Variants in SERPINI1 observed in about 807,000 individuals in gnomAD.
The protein encoded by SERPINI1 is serpin family I member 1.
Under a neutral mutation model 41.1 loss-of-function variants are expected in SERPINI1, and 19 were observed. The observed-to-expected ratio is 0.46, with a 90% CI of 0.32 to 0.68. The LOEUF (loss-of-function observed/expected upper bound fraction) is 0.68, where lower values mean the gene tolerates loss of function less well. Among genes scored for constraint, SERPINI1 ranks in the 30% least tolerant of loss-of-function variants. The pLI is 0.03. For synonymous variants in SERPINI1, 138 were observed against 156.6 expected, an observed-to-expected ratio of 0.88 and a Z score of 0.89; for missense variants, 460 against 479.2, an observed-to-expected ratio of 0.96 and a Z score of 0.37.
intron 6 of SERPINI1, among the ~76,000 whole-genome samples, chr3:167,814,223 T>C (rs935392577): frequency 3.9e-5 from 6 of 152,218 alleles, no homozygotes; most frequent in African/African-American, 1.4e-4. Context: ...TTTCCTCTCA[T>C]TAGGAAGGAA....
chr3:167,770,155 A>T (rs569443424), intron 1 of SERPINI1, among the ~76,000 whole-genome samples: 2 of 151,834 alleles, frequency 1.3e-5, no homozygotes, highest in Non-Finnish European at 2.9e-5. Flanking sequence ...TATGGAAAAG[A>T]TATGTACAAA....
chr3:167,791,019 C>G (rs1727488761), intron 3 of SERPINI1, among the ~76,000 whole-genome samples: 1 of 151,884 alleles, frequency 6.6e-6, no homozygotes, highest in Admixed American at 6.6e-5. Flanking sequence ...GGCTTTTGAA[C>G]CAAAGAACTT....
At chr3:167,814,006 G>T in intron 6 of SERPINI1, among the ~76,000 whole-genome samples, 1 of 152,024 alleles carries the variant, frequency 6.6e-6, no homozygotes, top group Admixed American at 6.5e-5. Flanking sequence ...CCAGTGGCTG[G>T]CTCCTTTGTA....
intron 1 of SERPINI1, among the ~76,000 whole-genome samples, chr3:167,759,993 C>T (rs907308036): frequency 6.6e-6 from 1 of 152,126 alleles, no homozygotes; most frequent in African/African-American, 2.4e-5. Context: ...ATATATGCCA[C>T]GTGTCCTTAG....
At chr3:167,819,680 A>T (rs764121373) in intron 6 of SERPINI1, among the ~76,000 whole-genome samples, 1 of 152,232 alleles carries the variant, frequency 6.6e-6, no homozygotes, top group Non-Finnish European at 1.5e-5. Context: ...AAATGTTGAA[A>T]ATCCTTCCTT....
chr3:167,751,376 A>G (rs535797626), intron 1 of SERPINI1, among the ~76,000 whole-genome samples: 24 of 152,324 alleles, frequency 1.6e-4, no homozygotes, highest in African/African-American at 5.5e-4. Context: ...GAATATGTCT[A>G]CTTGATAAAA....
At chr3:167,754,153 C>G (rs1726127586) in intron 1 of SERPINI1, among the ~76,000 whole-genome samples, 1 of 152,134 alleles carries the variant, frequency 6.6e-6, no homozygotes. Flanking sequence ...GCTCTGTATT[C>G]ATTTTTATAC....
At chr3:167,783,412 G>A (rs1727206449) in intron 1 of SERPINI1, among the ~76,000 whole-genome samples, 3 of 152,144 alleles carry the variant, frequency 2.0e-5, no homozygotes, top group African/African-American at 7.2e-5. Flanking sequence ...CTGCTGGCAG[G>A]CATCAACGAA....
chr3:167,772,948 A>G (rs921589187), intron 1 of SERPINI1, among the ~76,000 whole-genome samples: 1 of 123,570 alleles, frequency 8.1e-6, no homozygotes, highest in Non-Finnish European at 1.7e-5. Context: ...ACATATATAC[A>G]CATATATATG....
intron 1 of SERPINI1, among the ~76,000 whole-genome samples, chr3:167,777,117 C>T (rs1471101915): frequency 1.3e-5 from 2 of 152,100 alleles, no homozygotes; most frequent in Non-Finnish European, 2.9e-5. Flanking sequence ...TAGGGGCCCC[C>T]CTTATTCCTG....
chr3:167,741,092 CAG>C (rs1024046627), intron 1 of SERPINI1, among the ~76,000 whole-genome samples: 1 of 152,096 alleles, frequency 6.6e-6, no homozygotes, highest in Non-Finnish European at 1.5e-5. Flanking sequence ...TTGGCATTGA[CAG>C]TGCTCAGTGT....
chr3:167,738,733 G>T (rs927673388), intron 1 of SERPINI1, among the ~76,000 whole-genome samples: 2 of 150,988 alleles, frequency 1.3e-5, no homozygotes, highest in African/African-American at 4.9e-5. Context: ...ATAAATTTTG[G>T]ATGATTAACC....
chr3:167,745,542 C>T (rs1725837456), intron 1 of SERPINI1, among the ~76,000 whole-genome samples: 1 of 151,876 alleles, frequency 6.6e-6, no homozygotes, highest in Non-Finnish European at 1.5e-5. Context: ...CACTTTTATT[C>T]AACACTGTAT....
chr3:167,773,004 T>C (rs1726843440), intron 1 of SERPINI1, among the ~76,000 whole-genome samples: 1 of 142,834 alleles, frequency 7.0e-6, no homozygotes, highest in African/African-American at 2.6e-5. Context: ...CTCTGAAGTT[T>C]ATCTGACACA....
intron 1 of SERPINI1, among the ~76,000 whole-genome samples, chr3:167,779,008 A>C (rs897148605): frequency 1.3e-5 from 2 of 152,232 alleles, no homozygotes; most frequent in Admixed American, 1.3e-4. Context: ...CAGCCAGGTC[A>C]GTGCTAGTTG....
chr3:167,763,396 T>TGTG (rs1559999128), intron 1 of SERPINI1, among the ~76,000 whole-genome samples: 3 of 151,362 alleles, frequency 2.0e-5, no homozygotes, highest in African/African-American at 4.9e-5. Flanking sequence ...TGTGTGTGTG[T>TGTG]TGAGACAGGA....
chr3:167,825,345 G>A lies in SERPINI1; in HGVS notation c.*22G>A. 1 of 1,491,086 alleles carries A rather than the reference G, an allele frequency of 6.7e-7. No homozygotes were observed. The highest frequency in any genetic ancestry group is 9.4e-7 in the Non-Finnish European group (1 of 1,067,886). 92.4% of individuals were successfully genotyped at this position (1,491,086 alleles called of 1,614,324 possible). On this transcript the variant is annotated 3_prime_UTR_variant, in exon 9 of 9. Transcript: ENST00000446050. ...TTAAGTTACTTTATTTGAATAACAA[G>A]GAAAACAGTAACTAAGCACATTATG...
chr3:167,818,318 G>A (rs7617923), intron 6 of SERPINI1, among the ~76,000 whole-genome samples: 45,914 of 151,716 alleles, frequency 0.3, 8,785 homozygotes, highest in African/African-American at 0.55. Context: ...GTGAGCCACC[G>A]CGCCCGGCCA....
intron 1 of SERPINI1, among the ~76,000 whole-genome samples, chr3:167,787,512 C>T (rs1335833437): frequency 6.6e-6 from 1 of 152,158 alleles, no homozygotes; most frequent in African/African-American, 2.4e-5. Context: ...GCAGTGGCAG[C>T]CCCCCAACGG....
Sources: allele counts gnomAD v4.1 joint callset (sites outside exome capture counted in the v4.1 genomes callset), GRCh38; gene constraint gnomAD v4.1.1; transcripts MANE v1.5; gene names NCBI Gene and HGNC (gene_info 2026-07-23, HGNC 2026-07-21).